Variants in RALGAPB observed in about 807,000 individuals in gnomAD.
RALGAPB encodes Ral GTPase activating protein non-catalytic subunit beta, also known as ral GTPase-activating protein subunit beta.
A neutral mutation model predicts 161.1 loss-of-function variants in RALGAPB; 25 were observed. That is an observed-to-expected ratio of 0.16 (90% CI 0.11 to 0.22). The LOEUF (loss-of-function observed/expected upper bound fraction) is 0.22, where lower values mean the gene tolerates loss of function less well. Ranked by LOEUF, RALGAPB falls within the 10% of genes least tolerant of loss-of-function variation. The probability of loss-of-function intolerance (pLI) is 1.00; values close to 1 mark genes in which losing one functional copy is unlikely to be tolerated. For synonymous variants in RALGAPB, 629 were observed against 626.1 expected, an observed-to-expected ratio of 1.00 and a Z score of -0.07; for missense variants, 1,391 against 1,815.2, an observed-to-expected ratio of 0.77 and a Z score of 4.25.
intron 26 of RALGAPB, chr20:38,569,580 A>T (rs898680979): frequency 6.2e-5 from 15 of 242,696 alleles, no homozygotes; most frequent in African/African-American, 3.3e-4. Context: ...GATAGACTCA[A>T]ATCTTTTAAG....
intron 27 of RALGAPB, 25 bp from the exon 28 acceptor site, chr20:38,570,744 T>C (rs759214762): frequency 1.5e-5 from 22 of 1,439,452 alleles, no homozygotes; most frequent in Non-Finnish European, 2.0e-5. Context: ...GAGATATTAA[T>C]TGTAATGCTA....
At chr20:38,502,384 C>T (rs1026890790) in intron 5 of RALGAPB, among the ~76,000 whole-genome samples, 1 of 152,184 alleles carries the variant, frequency 6.6e-6, no homozygotes, top group African/African-American at 2.4e-5. Flanking sequence ...ACCAGTGGTG[C>T]TGGAAGTGCT....
intron 4 of RALGAPB, among the ~76,000 whole-genome samples, chr20:38,498,838 GTC>G (rs1359489957): frequency 2.0e-5 from 3 of 152,156 alleles, no homozygotes; most frequent in African/African-American, 7.2e-5. Flanking sequence ...TCCATTATTT[GTC>G]TCTCTGTCTC....
intron 28 of RALGAPB, among the ~76,000 whole-genome samples, chr20:38,573,494 C>G (rs2088317819): frequency 6.6e-6 from 1 of 152,130 alleles, no homozygotes; most frequent in South Asian, 2.1e-4. Context: ...CTCGCCCCTC[C>G]ATAGGAGCAG....
chr20:38,552,826 G>A (rs971363999), intron 21 of RALGAPB, among the ~76,000 whole-genome samples: 3 of 152,192 alleles, frequency 2.0e-5, no homozygotes, highest in Non-Finnish European at 4.4e-5. Context: ...TCACTCTGCT[G>A]ACTTTCTTCA....
At chr20:38,569,660 CT>C (rs199575997) in intron 26 of RALGAPB, 91 of 461,278 alleles carry the variant, frequency 2.0e-4, no homozygotes, top group Middle Eastern at 5.7e-4. Context: ...GTATTCCTTC[CT>C]TTTTTTTTCT....
chr20:38,529,743 G>A (rs59138023), intron 13 of RALGAPB, among the ~76,000 whole-genome samples: 1,586 of 152,074 alleles, frequency 0.01, 22 homozygotes, highest in African/African-American at 0.036. Flanking sequence ...CTCGGAGGCC[G>A]AGGCAGAGAA....
chr20:38,550,437 A>G (rs370669557), intron 20 of RALGAPB, among the ~76,000 whole-genome samples: 7 of 152,366 alleles, frequency 4.6e-5, no homozygotes, highest in African/African-American at 1.7e-4. Context: ...TTTATCACCC[A>G]GTCCTCCATT....
At chr20:38,541,806 TC>T (rs2086977753) in intron 18 of RALGAPB, among the ~76,000 whole-genome samples, 1 of 152,106 alleles carries the variant, frequency 6.6e-6, no homozygotes, top group Admixed American at 6.5e-5. Context: ...AATGAATACT[TC>T]CAGATAAGGG....
intron 2 of RALGAPB, 104 bp downstream of exon 2, chr20:38,488,722 G>C: frequency 9.0e-7 from 1 of 1,108,096 alleles, no homozygotes; most frequent in East Asian, 2.5e-5. Flanking sequence ...GAAAAGAGCT[G>C]TAGTAGAATA....
chr20:38,521,410 C>T, intron 9 of RALGAPB, 87 bp from the exon 10 acceptor site: 1 of 1,564,334 alleles, frequency 6.4e-7, no homozygotes, highest in Non-Finnish European at 8.7e-7. Context: ...TATTTAATGA[C>T]ACCAATATTT....
chr20:38,501,928 T>C (rs1299841264), intron 5 of RALGAPB, among the ~76,000 whole-genome samples: 1 of 152,228 alleles, frequency 6.6e-6, no homozygotes, highest in Admixed American at 6.5e-5. Flanking sequence ...ATGTACATGC[T>C]AGTCTTGTAT....
intron 13 of RALGAPB, among the ~76,000 whole-genome samples, chr20:38,528,799 C>T (rs1055503018): frequency 6.6e-6 from 1 of 151,978 alleles, no homozygotes; most frequent in Admixed American, 6.6e-5. Context: ...TTCCACCTCA[C>T]CCTCCTGAGT....
At position 38,558,450 on chromosome 20, in the gene RALGAPB, A is replaced by C. The variant is rs190394422; in HGVS notation, c.3528A>C (p.Gln1176His). ...TGAAGCCAGGTCAGAAAACGAACCAAGAGGTAAGAGTTACGAATTTTTTTT... is the reference window on the plus strand; with the variant it reads ...TGAAGCCAGGTCAGAAAACGAACCACGAGGTAAGAGTTACGAATTTTTTTT... ...FYMKPGQKTN[Q>H]EILKNVESSR... Residue 1176 changes from glutamine to histidine, a missense_variant, in exon 23 of 30, where the codon CAA becomes CAC. Transcript: ENST00000262879. The C allele has an allele frequency of 6.4e-7, 1 of 1,571,692 alleles. No individual in the cohort carries two copies. The highest frequency in any genetic ancestry group is 1.9e-5 in the Admixed American group (1 of 52,420).
chr20:38,487,666 A>T (rs1292952621), intron 1 of RALGAPB, among the ~76,000 whole-genome samples: 1 of 152,252 alleles, frequency 6.6e-6, no homozygotes, highest in Non-Finnish European at 1.5e-5. Flanking sequence ...AGATGAATAT[A>T]CAAGTTAAGT....
In RALGAPB at chr20:38,558,287, G is replaced by A; in HGVS notation, c.3373-8G>A. On this transcript the variant is annotated splice_region_variant and splice_polypyrimidine_tract_variant and intron_variant, in intron 22 of 29. Coordinates refer to ENST00000262879, the MANE Select transcript of RALGAPB (RefSeq NM_020336.4). The stretch of plus-strand genomic sequence containing the variant: ...GTAATAATTGCTCCTTTCTTCTTTT[G>A]GTGGCAGGAACCTGCAAATAGTCGT... 1 of 1,488,580 alleles carries A rather than the reference G, an allele frequency of 6.7e-7. No homozygotes were observed. Among genetic ancestry groups the A allele is most frequent in the Non-Finnish European group, 9.0e-7 (1 of 1,111,748 alleles). 92.2% of individuals were successfully genotyped at this position (1,488,580 alleles called of 1,614,324 possible).
At chr20:38,574,741 C>G (rs1352718968) in intron 29 of RALGAPB, 33 bp from the exon 30 acceptor site, 3 of 1,582,162 alleles carry the variant, frequency 1.9e-6, no homozygotes, top group Non-Finnish European at 2.6e-6. Context: ...TGACTAGTTT[C>G]TAACGTTTAT....
At chr20:38,525,072 T>A in intron 11 of RALGAPB, 127 bp downstream of exon 11, 1 of 933,944 alleles carries the variant, frequency 1.1e-6, no homozygotes, top group Non-Finnish European at 1.6e-6. Flanking sequence ...CAGGCGACAT[T>A]AAATGAGTGT....
chr20:38,485,371 G>A (rs1337615062), intron 1 of RALGAPB, among the ~76,000 whole-genome samples: 2 of 152,244 alleles, frequency 1.3e-5, no homozygotes, highest in East Asian at 3.9e-4. Context: ...AAAAATCATT[G>A]CCCTAATCTC....
Sources: gnomAD v4.1 joint callset for allele counts (sites outside exome capture counted in the v4.1 genomes callset) on GRCh38, gnomAD v4.1.1 for gene constraint, MANE v1.5 for transcripts, NCBI Gene and HGNC (gene_info 2026-07-23, HGNC 2026-07-21) for gene names.